The following GPHN variants were observed in gnomAD, a reference collection of about 807,000 sequenced individuals.
GPHN encodes the protein gephyrin.
In GPHN, 17 loss-of-function variants were observed where a neutral mutation model predicts 95.5. That is an observed-to-expected ratio of 0.18 (90% confidence interval 0.12 to 0.27). The LOEUF (loss-of-function observed/expected upper bound fraction) is 0.27. GPHN is among the 10% of genes least tolerant of loss of function. The pLI, the probability that GPHN is intolerant of heterozygous loss-of-function variation, is 1.00. For synonymous variants in GPHN, 320 were observed against 322.5 expected, an observed-to-expected ratio of 0.99 and a Z score of 0.08; for missense variants, 660 against 978.1, an observed-to-expected ratio of 0.67 and a Z score of 4.34.
the GPHN span, among the ~76,000 whole-genome samples, chr14:67,202,314 G>T: frequency 6.6e-6 from 1 of 152,096 alleles, no homozygotes; most frequent in Non-Finnish European, 1.5e-5. Context: ...GGTGGCATGT[G>T]CCTGTAATCC....
intron 1 of GPHN, among the ~76,000 whole-genome samples, chr14:66,529,587 C>T (rs894170312): frequency 1.3e-5 from 2 of 152,060 alleles, no homozygotes; most frequent in African/African-American, 4.8e-5. Context: ...CTGGTTTCTC[C>T]CTATCTTTGT....
intron 17 of GPHN, among the ~76,000 whole-genome samples, chr14:67,127,855 A>T (rs1479511615): frequency 6.6e-6 from 1 of 152,230 alleles, no homozygotes; most frequent in East Asian, 1.9e-4. Context: ...GAAGTCTATT[A>T]TGTAGAAGAG....
chr14:67,061,823 A>G (rs1435338107), intron 11 of GPHN, among the ~76,000 whole-genome samples: 3 of 152,176 alleles, frequency 2.0e-5, no homozygotes, highest in East Asian at 1.9e-4. Context: ...CTTTGCTTAT[A>G]TAGTTTTTGC....
At chr14:67,407,311 TG>T in the GPHN span, among the ~76,000 whole-genome samples, 2 of 151,876 alleles carry the variant, frequency 1.3e-5, no homozygotes, top group African/African-American at 4.8e-5. Flanking sequence ...TTAGTAGAGA[TG>T]GGGTTTCACT....
the GPHN span, chr14:67,201,580 C>G: frequency 2.2e-6 from 1 of 454,464 alleles, no homozygotes; most frequent in Admixed American, 2.4e-5. Context: ...TCTTGCTGGT[C>G]ACATGCCACT....
chr14:67,716,662 C>T, the GPHN span, among the ~76,000 whole-genome samples: 20 of 152,116 alleles, frequency 1.3e-4, no homozygotes, highest in South Asian at 8.3e-4. Context: ...GGCCAGCATA[C>T]GACTTGAGGC....
chr14:67,453,211 C>T, the GPHN span, among the ~76,000 whole-genome samples: 3 of 152,110 alleles, frequency 2.0e-5, no homozygotes, highest in Non-Finnish European at 2.9e-5. Flanking sequence ...AATTATCCCC[C>T]GGGGGGTCAG....
At chr14:67,481,151 G>T in the GPHN span, among the ~76,000 whole-genome samples, 1 of 152,154 alleles carries the variant, frequency 6.6e-6, no homozygotes, top group South Asian at 2.1e-4. Flanking sequence ...AAGTAGGCTG[G>T]TTTGATGTGG....
intron 2 of GPHN, among the ~76,000 whole-genome samples, chr14:66,746,460 T>C (rs1465531720): frequency 2.0e-5 from 3 of 152,156 alleles, no homozygotes; most frequent in Admixed American, 1.3e-4. Context: ...GCAATTTGGA[T>C]CTGTCATGAA....
chr14:67,208,656 G>A, the GPHN span, among the ~76,000 whole-genome samples: 2 of 152,080 alleles, frequency 1.3e-5, no homozygotes, highest in Non-Finnish European at 2.9e-5. Flanking sequence ...AACTTGTCAC[G>A]TTACTCAGCT....
At chr14:66,886,213 G>A (rs1175037411) in intron 5 of GPHN, among the ~76,000 whole-genome samples, 3 of 152,128 alleles carry the variant, frequency 2.0e-5, no homozygotes, top group Admixed American at 6.6e-5. Context: ...AGGCCATGAT[G>A]GGACTGTCCA....
At chr14:67,608,634 G>A in the GPHN span, among the ~76,000 whole-genome samples, 5 of 152,200 alleles carry the variant, frequency 3.3e-5, no homozygotes, top group East Asian at 5.8e-4. Flanking sequence ...CTGGTGCTAA[G>A]CCTCAGTCTT....
chr14:67,106,651 T>C (rs1018196224), intron 13 of GPHN, among the ~76,000 whole-genome samples: 7 of 152,184 alleles, frequency 4.6e-5, no homozygotes, highest in African/African-American at 1.7e-4. Flanking sequence ...AGGATTTCTG[T>C]TTGGTTCTTT....
the GPHN span, among the ~76,000 whole-genome samples, chr14:67,657,868 C>A: frequency 3.2e-3 from 481 of 151,744 alleles, 17 homozygotes; most frequent in East Asian, 0.081. Context: ...GCTGCCTCAG[C>A]CTCCCAAGTA....
the GPHN span, among the ~76,000 whole-genome samples, chr14:67,491,167 C>T: frequency 6.6e-6 from 1 of 152,094 alleles, no homozygotes. Flanking sequence ...TCACAGAACC[C>T]GGGGAAACAC....
chr14:67,590,969 T>C, the GPHN span, among the ~76,000 whole-genome samples: 8 of 152,072 alleles, frequency 5.3e-5, no homozygotes, highest in East Asian at 1.5e-3. Flanking sequence ...TGAAAAATGT[T>C]TTACACAATG....
intron 1 of GPHN, among the ~76,000 whole-genome samples, chr14:66,673,759 A>T (rs2066430602): frequency 6.6e-6 from 1 of 152,144 alleles, no homozygotes. Context: ...AATTCTTTTA[A>T]CATTTCTTGT....
At chr14:66,816,904 C>T (rs1365700655) in intron 3 of GPHN, among the ~76,000 whole-genome samples, 1 of 152,080 alleles carries the variant, frequency 6.6e-6, no homozygotes, top group Non-Finnish European at 1.5e-5. Flanking sequence ...TGTAAACTTA[C>T]TCTCTCTTAG....
chr14:66,703,971 A>AAAG (rs2068807972), intron 2 of GPHN, among the ~76,000 whole-genome samples: 1 of 116,104 alleles, frequency 8.6e-6, no homozygotes, highest in African/African-American at 4.7e-5. Context: ...GCCAAAAAAA[A>AAAG]AAAGAAAGAA....
Sources: gnomAD v4.1 joint callset for allele counts (sites outside exome capture counted in the v4.1 genomes callset) on GRCh38, gnomAD v4.1.1 for gene constraint, MANE v1.5 for transcripts, NCBI Gene and HGNC (gene_info 2026-07-23, HGNC 2026-07-21) for gene names.